Variants in FBXO28 observed in about 807,000 individuals in gnomAD.
FBXO28 encodes the protein F-box protein 28.
In FBXO28, 8 loss-of-function variants were observed where a neutral mutation model predicts 38.1. The ratio of observed to expected loss-of-function variants is 0.21; its 90% CI spans 0.12 to 0.38. The LOEUF is 0.38. Among genes scored for constraint, FBXO28 ranks in the 10% least tolerant of loss-of-function variants. FBXO28 has a pLI of 1.00. For missense variants in FBXO28, 345 were observed against 460.6 expected, an observed-to-expected ratio of 0.75 and a Z score of 2.30; for synonymous variants, 168 against 173.8, an observed-to-expected ratio of 0.97 and a Z score of 0.26.
chr1:224,143,245 A>G (rs915097300), intron 3 of FBXO28, among the ~76,000 whole-genome samples: 4 of 150,082 alleles, frequency 2.7e-5, no homozygotes, highest in Non-Finnish European at 4.4e-5. Context: ...AGAGAAGGAG[A>G]AAAAAAAATC....
Position 224,158,098 on chromosome 1 carries a change from TA to T in FBXO28, c.*354del. On this transcript the variant is annotated 3_prime_UTR_variant, in exon 5 of 5. Transcript: ENST00000366862. ...AACCCAGTCTTGACAGACTAGAAGT[TA>T]AGTTTAATACAGAAAATGTCCTGTT... 9.9e-7 allele frequency: 1 copy of T among 1,007,330 alleles called. No homozygotes were observed. Among genetic ancestry groups the T allele is most frequent in the Non-Finnish European group, 1.2e-6 (1 of 844,852 alleles). The allele number at this position is 1,007,330 out of a possible 1,614,324, so 62.4% of individuals were successfully genotyped here.
intron 3 of FBXO28, among the ~76,000 whole-genome samples, chr1:224,135,049 A>G (rs1657141354): frequency 6.6e-6 from 1 of 152,174 alleles, no homozygotes. Context: ...TTTGGGGGGA[A>G]TCCCATTTCT....
At chr1:224,134,449 A>G (rs1412810428) in intron 3 of FBXO28, 1 of 325,410 alleles carries the variant, frequency 3.1e-6, no homozygotes, top group East Asian at 6.6e-5. Flanking sequence ...GTTTTTTAAG[A>G]GTTCATACTC....
intron 3 of FBXO28, chr1:224,134,461 A>G (rs1175867482): frequency 1.0e-5 from 3 of 290,138 alleles, no homozygotes; most frequent in African/African-American, 6.7e-5. Flanking sequence ...TTCATACTCA[A>G]GAATAAAATT....
At chr1:224,129,881 T>A (rs1346978370) in intron 1 of FBXO28, among the ~76,000 whole-genome samples, 5 of 152,136 alleles carry the variant, frequency 3.3e-5, no homozygotes, top group Non-Finnish European at 7.4e-5. Flanking sequence ...TGCCAGCTAC[T>A]CAGGAGGCTG....
At position 224,119,425 on chromosome 1, in the gene FBXO28, C is replaced by T. The variant is rs1333520378; in HGVS notation, c.267+5029C>T. Among the ~76,000 whole-genome samples the T allele has an allele frequency of 1.1e-4, 16 of 152,150 alleles. No homozygotes were observed. The East Asian group carries it at 2.9e-3, about 28-fold the overall frequency. ...GTGCTGGGATTACAGGCATGAGCCA[C>T]CGTGCCCGGCCCCACTGATTTTTTC... On this transcript the variant is annotated intron_variant, in intron 1 of 4. Coordinates refer to ENST00000366862, the MANE Select transcript of FBXO28 (RefSeq NM_015176.4).
intron 3 of FBXO28, among the ~76,000 whole-genome samples, chr1:224,147,163 G>C (rs1321860188): frequency 6.6e-6 from 1 of 151,508 alleles, no homozygotes; most frequent in African/African-American, 2.4e-5. Context: ...GGTGGCTCAC[G>C]CCTATAATCC....
In FBXO28 at chr1:224,130,572, A is replaced by G; in HGVS notation, c.368A>G (p.Gln123Arg). 6.2e-7 allele frequency: 1 copy of G among 1,608,698 alleles called. No individual in the cohort carries two copies. The highest frequency in any genetic ancestry group is 8.5e-7 in the Non-Finnish European group (1 of 1,175,204). ...HNLCQKQVKA[Q>R]LPRRESERRN... ...CTATGTCAGAAACAAGTTAAAGCACAACTCCCAAGGTATGTTGTGGGTGGC... is the reference window on the plus strand; with the variant it reads ...CTATGTCAGAAACAAGTTAAAGCACGACTCCCAAGGTATGTTGTGGGTGGC... Residue 123 changes from glutamine (Q) to arginine (R), a missense_variant, in exon 2 of 5, where the codon CAA becomes CGA. Physicochemically the swap from Gln to Arg is conservative, Grantham distance 43. Coordinates refer to ENST00000366862, the MANE Select transcript of FBXO28 (RefSeq NM_015176.4).
At chr1:224,128,823 A>T (rs551826128) in intron 1 of FBXO28, among the ~76,000 whole-genome samples, 2 of 151,612 alleles carry the variant, frequency 1.3e-5, no homozygotes, top group Non-Finnish European at 2.9e-5. Flanking sequence ...TCTCTACAAA[A>T]TTTTTTTTAA....
intron 3 of FBXO28, among the ~76,000 whole-genome samples, chr1:224,139,495 G>A (rs61144016): frequency 0.063 from 9,572 of 151,612 alleles, 1,060 homozygotes; most frequent in African/African-American, 0.21. Context: ...TGTAATCCCA[G>A]CACTTTGGGA....
At position 224,128,871 on chromosome 1, in the gene FBXO28, AGCTACTTGGGAG is replaced by A. The variant is rs1572010569; in HGVS notation, c.268-1597_268-1586del. ...CGGGGTGGTGCATACCTGTTGTCTCAGCTACTTGGGAGGCTGAGACAGGAGGATTGCTTGTGC... is the reference window on the plus strand; with the variant it reads ...CGGGGTGGTGCATACCTGTTGTCTCAGCTGAGACAGGAGGATTGCTTGTGC... On this transcript the variant is annotated intron_variant, in intron 1 of 4. Transcript: ENST00000366862. Among the ~76,000 whole-genome samples, 6 of 151,088 alleles carry A rather than the reference AGCTACTTGGGAG, an allele frequency of 4.0e-5. No homozygotes were observed. In the East Asian group the frequency reaches 1.2e-3, roughly 30 times the overall value.
intron 3 of FBXO28, among the ~76,000 whole-genome samples, chr1:224,137,728 T>G (rs1657229914): frequency 6.6e-6 from 1 of 151,686 alleles, no homozygotes; most frequent in South Asian, 2.1e-4. Flanking sequence ...GCTCTAGAGT[T>G]AAAAGCTCCA....
chr1:224,129,580 A>G (rs1656988172), intron 1 of FBXO28, among the ~76,000 whole-genome samples: 1 of 152,224 alleles, frequency 6.6e-6, no homozygotes, highest in African/African-American at 2.4e-5. Context: ...CTTCAGGACT[A>G]TAGTCTGTGA....
chr1:224,154,253 C>G (rs1481924615), intron 4 of FBXO28, among the ~76,000 whole-genome samples: 1 of 152,216 alleles, frequency 6.6e-6, no homozygotes, highest in Non-Finnish European at 1.5e-5. Flanking sequence ...ATAAAGCATC[C>G]TTGTGTAATT....
At chr1:224,148,081 T>C (rs1657553429) in intron 3 of FBXO28, among the ~76,000 whole-genome samples, 3 of 152,166 alleles carry the variant, frequency 2.0e-5, no homozygotes, top group Admixed American at 2.0e-4. Flanking sequence ...TAAAATAATC[T>C]CTATACAGTA....
chr1:224,141,909 T>TTCAA (rs1231321577), intron 3 of FBXO28, among the ~76,000 whole-genome samples: 4 of 145,146 alleles, frequency 2.8e-5, no homozygotes, highest in African/African-American at 1.0e-4. Context: ...TTTTTTTTGA[T>TTCAA]ACTGGGTCTT....
intron 1 of FBXO28, among the ~76,000 whole-genome samples, chr1:224,125,260 C>G (rs1052386532): frequency 1.3e-5 from 2 of 152,010 alleles, no homozygotes; most frequent in Non-Finnish European, 2.9e-5. Context: ...GAAGCTGGAA[C>G]TACAGGCTCA....
intron 3 of FBXO28, among the ~76,000 whole-genome samples, chr1:224,137,012 A>G (rs1657207354): frequency 1.3e-5 from 2 of 150,850 alleles, no homozygotes; most frequent in South Asian, 2.1e-4. Context: ...TTGGCCTCCC[A>G]AAGTGCTGGG....
intron 2 of FBXO28, among the ~76,000 whole-genome samples, chr1:224,133,133 T>C (rs1657094020): frequency 1.3e-5 from 2 of 152,198 alleles, no homozygotes; most frequent in Admixed American, 1.3e-4. Flanking sequence ...ATAAGGCTAC[T>C]GTATGATTCC....
Sources: allele counts gnomAD v4.1 joint callset (sites outside exome capture counted in the v4.1 genomes callset), GRCh38; gene constraint gnomAD v4.1.1; transcripts MANE v1.5; gene names NCBI Gene and HGNC (gene_info 2026-07-23, HGNC 2026-07-21).